The following ITPR1 variants were observed in gnomAD, a reference collection of about 807,000 sequenced individuals.
ITPR1 encodes the protein inositol 1,4,5-trisphosphate-gated calcium channel ITPR1.
In ITPR1, 96 loss-of-function variants were observed where a neutral mutation model predicts 318.4. The observed-to-expected ratio is 0.30, with a 90% CI of 0.26 to 0.36. The LOEUF (loss-of-function observed/expected upper bound fraction) is 0.36, where lower values mean the gene tolerates loss of function less well. ITPR1 is among the 10% of genes least tolerant of loss of function. ITPR1 has a pLI of 1.00. For missense variants in ITPR1, 2,440 were observed against 3,460.2 expected, an observed-to-expected ratio of 0.71 and a Z score of 7.40; for synonymous variants, 1,312 against 1,289.9, an observed-to-expected ratio of 1.02 and a Z score of -0.37.
chr3:4,696,674 T>TG (rs1553698995), intron 33 of ITPR1, among the ~76,000 whole-genome samples: 7 of 13,846 alleles, frequency 5.1e-4, no homozygotes, highest in East Asian at 0.014. Context: ...TTGCCGTGTG[T>TG]TTTTTTTTTT....
chr3:4,840,315 A>T (rs1040050578), intron 61 of ITPR1, among the ~76,000 whole-genome samples: 1 of 152,130 alleles, frequency 6.6e-6, no homozygotes, highest in African/African-American at 2.4e-5. Flanking sequence ...GTGGGAAAAA[A>T]TTTTGAATTA....
At position 4,697,203 on chromosome 3, in the gene ITPR1, A is replaced by G. The variant is rs1458772148; in HGVS notation, c.4338A>G (p.Glu1446=). 6.2e-7 allele frequency: 1 copy of G among 1,602,408 alleles called. No homozygotes were observed. The highest frequency in any genetic ancestry group is 8.5e-7 in the Non-Finnish European group (1 of 1,173,804). ...ACTGCTATGTGGATACAGAGGTGGAAATGAAGGAGATTTATACCAGCAATC... is the reference window on the plus strand; with the variant it reads ...ACTGCTATGTGGATACAGAGGTGGAGATGAAGGAGATTTATACCAGCAATC... ...LNHCYVDTEV[E]MKEIYTSNHM... Residue 1446 remains glutamate, a synonymous_variant, in exon 34 of 62, where the codon GAA becomes GAG. Transcript: ENST00000649015.
intron 4 of ITPR1, among the ~76,000 whole-genome samples, chr3:4,546,223 G>T (rs903127014): frequency 6.6e-6 from 1 of 152,108 alleles, no homozygotes; most frequent in African/African-American, 2.4e-5. Context: ...TTTTCTTTGA[G>T]AGGATAGAGT....
chr3:4,613,096 G>T lies in ITPR1; in HGVS notation c.164-14667G>T, dbSNP rs2092230472. Among the ~76,000 whole-genome samples, 3 of 152,298 alleles carry T rather than the reference G, an allele frequency of 2.0e-5. No homozygotes were observed. The South Asian group carries it at 6.2e-4, about 32-fold the overall frequency. On this transcript the variant is annotated intron_variant, in intron 4 of 61. Transcript: ENST00000649015. ...AGTTTGCTTTTATACGTTTTAGAGA[G>T]ACATGAGACATTAATCAATATGTGT...
intron 44 of ITPR1, among the ~76,000 whole-genome samples, chr3:4,764,008 A>T (rs2045638413): frequency 6.6e-6 from 1 of 152,228 alleles, no homozygotes; most frequent in African/African-American, 2.4e-5. Context: ...CACAGCTGGG[A>T]TAGCAGCTGA....
chr3:4,779,971 C>T lies in ITPR1; in HGVS notation c.6387+326C>T. Among the ~76,000 whole-genome samples, 1 of 151,984 alleles carries T rather than the reference C, an allele frequency of 6.6e-6. No individual in the cohort carries two copies. Among genetic ancestry groups the T allele is most frequent in the South Asian group, 2.1e-4 (1 of 4,794 alleles). ...TTTTACCCTCTCCCTTTGGCATAAA[C>T]CACATGGAGAAGCCTCCGTCTCTGT... On this transcript the variant is annotated intron_variant, in intron 49 of 61. Coordinates refer to ENST00000649015, the MANE Select transcript of ITPR1 (RefSeq NM_001378452.1). The surrounding 1 kb of genome is among the most constrained non-coding windows in gnomAD (Gnocchi z 4.0).
chr3:4,760,092 T>C (rs527643809), intron 44 of ITPR1, among the ~76,000 whole-genome samples: 15 of 152,380 alleles, frequency 9.8e-5, no homozygotes, highest in African/African-American at 3.4e-4. Context: ...GTTGTCTGTG[T>C]CGGTTCAACG....
chr3:4,630,124 T>C (rs1291969947), intron 5 of ITPR1, among the ~76,000 whole-genome samples: 1 of 152,114 alleles, frequency 6.6e-6, no homozygotes, highest in Non-Finnish European at 1.5e-5. Context: ...AATTATATAG[T>C]AAATTGAATA....
At chr3:4,713,211 A>G (rs1490148557) in intron 39 of ITPR1, among the ~76,000 whole-genome samples, 4 of 152,242 alleles carry the variant, frequency 2.6e-5, no homozygotes, top group Admixed American at 6.5e-5. Flanking sequence ...TTTATAAAAT[A>G]TGAATCTAGT....
Position 4,663,161 on chromosome 3 carries a change from C to A in ITPR1, c.1509C>A (p.Asn503Lys), listed in dbSNP as rs1439904678. 5.0e-6 allele frequency: 8 copies of A among 1,613,744 alleles called. No homozygotes were observed. The highest frequency in any genetic ancestry group is 6.8e-6 in the Non-Finnish European group (8 of 1,179,752). ...TCGAAGTTGTCTTCTCCAAGCCCAA[C>A]AGAGAACGGCAGAAACTGATGAGAG... ...DVLEVVFSKP[N>K]RERQKLMREQ... Residue 503 changes from asparagine (N) to lysine (K), a missense_variant, in exon 16 of 62, where the codon AAC becomes AAA. By Grantham distance (94) the Asn-to-Lys change is moderately conservative. This residue lies in a region of ITPR1 where 478 missense variants were observed against 696.3 expected (regional missense o/e 0.69). Transcript: ENST00000649015.
At chr3:4,723,331 C>T (rs927350517) in intron 40 of ITPR1, among the ~76,000 whole-genome samples, 4 of 152,132 alleles carry the variant, frequency 2.6e-5, no homozygotes, top group South Asian at 2.1e-4. Flanking sequence ...GTCTATTCCA[C>T]GAAGGGATCA....
At chr3:4,686,478 G>A (rs977804965) in intron 30 of ITPR1, among the ~76,000 whole-genome samples, 2 of 152,194 alleles carry the variant, frequency 1.3e-5, no homozygotes, top group South Asian at 2.1e-4. Context: ...TAAGGAACGC[G>A]AGGGGGTCAT....
intron 4 of ITPR1, among the ~76,000 whole-genome samples, chr3:4,590,457 A>G (rs1169157614): frequency 6.6e-6 from 1 of 151,346 alleles, no homozygotes; most frequent in Non-Finnish European, 1.5e-5. Flanking sequence ...CTGGTTGGAC[A>G]GAAGCAAGAA....
intron 37 of ITPR1, among the ~76,000 whole-genome samples, chr3:4,707,163 A>G (rs2094775716): frequency 6.6e-6 from 1 of 152,200 alleles, no homozygotes. Context: ...GGTTGATGTG[A>G]GGATTAAGAG....
At chr3:4,658,091 A>G (rs1460733723) in intron 12 of ITPR1, 33 bp from the exon 13 acceptor site, 2 of 1,578,392 alleles carry the variant, frequency 1.3e-6, no homozygotes, top group African/African-American at 1.3e-5. Flanking sequence ...TTTGGCATGC[A>G]TGGTTCTTGA....
At position 4,580,135 on chromosome 3, in the gene ITPR1, G is replaced by A. The variant is rs534280842; in HGVS notation, c.164-47628G>A. Among the ~76,000 whole-genome samples the A allele has an allele frequency of 8.5e-3, 1,288 of 152,118 alleles. 5 individuals carry two copies. Among genetic ancestry groups the A allele is most frequent in the Non-Finnish European group, 0.012 (798 of 67,982 alleles). On this transcript the variant is annotated intron_variant, in intron 4 of 61. Coordinates refer to ENST00000649015, the MANE Select transcript of ITPR1 (RefSeq NM_001378452.1). ...TGAGGCAGGAGAATGGCGTGAACCC[G>A]GGAGGCGGAGCTTGCAGTGAGCCGA...
At position 4,692,997 on chromosome 3, in the gene ITPR1, G is replaced by C. The variant is rs973253979; in HGVS notation, c.4030-493G>C. On this transcript the variant is annotated intron_variant, in intron 32 of 61. Transcript: ENST00000649015. ...TAGCCAGGCATGGTGGTGCATCCCTGTAATCCCAGCTACTCAGGAGGCTGA... is the reference window on the plus strand; with the variant it reads ...TAGCCAGGCATGGTGGTGCATCCCTCTAATCCCAGCTACTCAGGAGGCTGA... 5.3e-5 allele frequency among the ~76,000 whole-genome samples: 8 copies of C among 152,276 alleles called. No homozygotes were observed. The East Asian group carries it at 7.7e-4, about 15-fold the overall frequency.
chr3:4,540,338 A>T (rs2084316206), intron 4 of ITPR1, among the ~76,000 whole-genome samples: 1 of 152,218 alleles, frequency 6.6e-6, no homozygotes, highest in African/African-American at 2.4e-5. Flanking sequence ...ATTTGTTTAA[A>T]TATACATTTT....
chr3:4,825,094 A>G (rs1268718459), intron 60 of ITPR1, among the ~76,000 whole-genome samples: 1 of 152,190 alleles, frequency 6.6e-6, no homozygotes, highest in Admixed American at 6.5e-5. Context: ...ATAATTACAC[A>G]TGAGAATGTC....
Sources: allele counts gnomAD v4.1 joint callset (sites outside exome capture counted in the v4.1 genomes callset), GRCh38; gene constraint gnomAD v4.1.1; regional missense constraint gnomAD v4.1.1; non-coding constraint Gnocchi (gnomAD v3.1); transcripts MANE v1.5; gene names NCBI Gene and HGNC (gene_info 2026-07-23, HGNC 2026-07-21).